Variants in PTDSS2 observed in about 807,000 individuals in gnomAD.
The protein encoded by PTDSS2 is PSS-2.
PTDSS2 carries 41 observed loss-of-function variants against 64.7 expected under a neutral mutation model. The ratio of observed to expected loss-of-function variants is 0.63; its 90% confidence interval spans 0.49 to 0.82. PTDSS2 has a LOEUF of 0.82. PTDSS2 is among the 40% of genes least tolerant of loss of function. The pLI is 0.00. For missense variants in PTDSS2, 485 were observed against 650.0 expected (o/e 0.75, Z 2.76); for synonymous variants, 297 against 277.8 (o/e 1.07, Z -0.69).
At chr11:453,278 C>T (rs76917642) in intron 1 of PTDSS2, among the ~76,000 whole-genome samples, 1,815 of 152,200 alleles carry the variant, frequency 0.012, 39 homozygotes, top group African/African-American at 0.042. Context: ...AAGCCCTGTG[C>T]GAAGATGTGG....
At chr11:450,942 C>A (rs530402099) in intron 1 of PTDSS2, among the ~76,000 whole-genome samples, 70 of 151,842 alleles carry the variant, frequency 4.6e-4, no homozygotes, top group African/African-American at 1.7e-3. Context: ...GCTCTGACCG[C>A]GCGGTTCTGC....
intron 1 of PTDSS2, among the ~76,000 whole-genome samples, chr11:455,709 C>A (rs992471784): frequency 1.3e-5 from 2 of 152,260 alleles, no homozygotes; most frequent in Non-Finnish European, 2.9e-5. Context: ...GCCTCCCAGG[C>A]CACGAGCCCT....
chr11:489,671 C>T lies in PTDSS2; in HGVS notation c.1053C>T (p.Leu351=), dbSNP rs748228320. 5.0e-6 allele frequency: 8 copies of T among 1,600,488 alleles called. 1 individual carries two copies. The South Asian group carries it at 6.7e-5, about 13-fold the overall frequency. The part of the protein sequence containing the change: ...PPEHYLVLLR[L]VFFVNVGGVA... ...AGCACTACCTGGTCCTCCTGCGGCT[C>T]GTCTTCTTCGTGAACGTGGGTGGCG... The change falls in exon 10 of 12, where the codon CTC becomes CTT. Residue 351 remains leucine (L), a synonymous_variant. Transcript: ENST00000308020.
intron 2 of PTDSS2, chr11:463,723 T>C (rs1292415942): frequency 1.3e-5 from 2 of 152,042 alleles, no homozygotes; most frequent in African/African-American, 4.8e-5. Context: ...ATTTTTTGTA[T>C]TTTTAGTAGA....
At position 453,584 on chromosome 11, in the gene PTDSS2, A is replaced by G. The variant is rs563730583; in HGVS notation, c.182+2947A>G. On this transcript the variant is annotated intron_variant, in intron 1 of 11. Coordinates refer to ENST00000308020, the MANE Select transcript of PTDSS2 (RefSeq NM_030783.3). ...AGGTTTCTGGAAGATGCCTTTCTCC[A>G]TCATCCTGGATCGGGGCTTTCCCAG... Among the ~76,000 whole-genome samples the G allele has an allele frequency of 9.4e-4, 143 of 152,296 alleles. 1 individual carries two copies. The highest frequency in any genetic ancestry group is 1.6e-3 in the Non-Finnish European group (108 of 68,016).
At chr11:489,209 C>G (rs992036183) in intron 8 of PTDSS2, 191 bp from the exon 9 acceptor site, 1 of 606,232 alleles carries the variant, frequency 1.6e-6, no homozygotes, top group Non-Finnish European at 2.9e-6. Flanking sequence ...GGAGAACAGC[C>G]GGGCAGCAGC....
intron 2 of PTDSS2, among the ~76,000 whole-genome samples, chr11:464,377 A>G (rs1847046245): frequency 6.6e-6 from 1 of 152,246 alleles, no homozygotes. Context: ...TAACAGACTC[A>G]GAGCCCCGTG....
chr11:466,532 C>T (rs564575542), intron 2 of PTDSS2, among the ~76,000 whole-genome samples: 15 of 151,802 alleles, frequency 9.9e-5, no homozygotes, highest in African/African-American at 1.9e-4. Flanking sequence ...TTCAGCCTCC[C>T]GAGTAGCTGG....
chr11:473,971 C>T lies in PTDSS2; in HGVS notation c.361C>T (p.His121Tyr). 1 of 1,613,498 alleles carries T rather than the reference C, an allele frequency of 6.2e-7. No individual in the cohort carries two copies. The change falls in exon 3 of 12, where the codon CAT becomes TAT. Residue 121 changes from histidine (H) to tyrosine (Y), a missense_variant. By Grantham distance (83) the His-to-Tyr change is moderately conservative. Around this residue, in one of 3 missense-constraint regions of PTDSS2, gnomAD observed 251 missense variants for 348.0 expected, o/e 0.72. Coordinates refer to ENST00000308020, the MANE Select transcript of PTDSS2 (RefSeq NM_030783.3). ...QAKDGPFSRP[H>Y]PAYWRFWLCV... The stretch of plus-strand genomic sequence containing the variant: ...TAAAGACGGGCCATTTTCCAGACCT[C>T]ATCCAGGTAACTTGCCATTTCCTTT...
intron 2 of PTDSS2, among the ~76,000 whole-genome samples, chr11:472,085 G>A (rs1283567014): frequency 6.6e-6 from 1 of 150,952 alleles, no homozygotes; most frequent in Non-Finnish European, 1.5e-5. Context: ...GGCCTGGGGT[G>A]ACACAGATGG....
rs544888318 is a variant in PTDSS2, at chr11:456,507, C to T, written c.183-3680C>T. On this transcript the variant is annotated intron_variant, in intron 1 of 11. Transcript: ENST00000308020. Reference sequence around the variant, plus strand: ...CACTCCTGACTCTTCTTATCCTAACCGGGGTCATCTTACTCTCCTCACCGA... The same window carrying T: ...CACTCCTGACTCTTCTTATCCTAACTGGGGTCATCTTACTCTCCTCACCGA... Among the ~76,000 whole-genome samples the T allele has an allele frequency of 3.9e-4, 59 of 152,068 alleles. No homozygotes were observed. In the East Asian group the frequency reaches 8.9e-3, roughly 23 times the overall value.
intron 1 of PTDSS2, 150 bp downstream of exon 1, chr11:450,787 C>T (rs1846282189): frequency 2.8e-6 from 2 of 712,914 alleles, no homozygotes; most frequent in Non-Finnish European, 3.9e-6. Context: ...AGCACCGCCC[C>T]CCGGGTCCCG....
chr11:477,819 CTT>C (rs898068732), intron 3 of PTDSS2, among the ~76,000 whole-genome samples: 5 of 152,254 alleles, frequency 3.3e-5, no homozygotes, highest in Admixed American at 1.3e-4. Context: ...CCCTCAAACT[CTT>C]GGGCCACTGG....
At chr11:486,657 A>G (rs1848405049) in intron 4 of PTDSS2, among the ~76,000 whole-genome samples, 2 of 151,866 alleles carry the variant, frequency 1.3e-5, no homozygotes, top group Admixed American at 1.3e-4. Context: ...CCTGGCTAGC[A>G]CGGTGAAACC....
Position 473,914 on chromosome 11 carries a change from T to C in PTDSS2, c.304T>C (p.Leu102=). ...TTGCAGAGGTATTGTGGCCAGTATT[T>C]TGGTTTTCTTATGTTTTGGAGTCAC... ...NTKRGIVASI[L]VFLCFGVTQA... is the part of the protein sequence containing the mutation. The change falls in exon 3 of 12, where the codon TTG becomes CTG. Residue 102 remains leucine, a synonymous_variant. Coordinates refer to ENST00000308020, the MANE Select transcript of PTDSS2 (RefSeq NM_030783.3). The C allele has an allele frequency of 1.9e-6, 3 of 1,613,770 alleles. No individual in the cohort carries two copies. Among genetic ancestry groups the C allele is most frequent in the Non-Finnish European group, 2.5e-6 (3 of 1,179,684 alleles).
chr11:474,080 G>C, intron 3 of PTDSS2, 103 bp downstream of exon 3: 1 of 980,738 alleles, frequency 1.0e-6, no homozygotes. Flanking sequence ...CCTCCCCTCC[G>C]CCTGGCCCCT....
Position 487,475 on chromosome 11 carries a change from G to A in PTDSS2, c.621+5G>A, listed in dbSNP as rs536193915. 2.7e-5 allele frequency: 43 copies of A among 1,613,178 alleles called. No individual in the cohort carries two copies. Among genetic ancestry groups the A allele is most frequent in the Middle Eastern group, 1.6e-4 (1 of 6,084 alleles). ...TTTCTTGGCTGGTACCTGAAGGTAC[G>A]GCACCTCCTCTTCCCGGCCTCCCCG... On this transcript the variant is annotated splice_donor_5th_base_variant and intron_variant, in intron 6 of 11. Transcript: ENST00000308020.
upstream of PTDSS2, among the ~76,000 whole-genome samples, chr11:448,595 C>T (rs537260205): frequency 5.6e-4 from 85 of 152,314 alleles, no homozygotes; most frequent in Non-Finnish European, 1.2e-3. Flanking sequence ...GGGGGCCAGG[C>T]CTGGGGAGGC....
At position 490,801 on chromosome 11, in the gene PTDSS2, C is replaced by CGT. The variant is rs767311770; in HGVS notation, c.*224_*225dup. The CGT allele has an allele frequency of 3.3e-4, 191 of 575,812 alleles. No individual in the cohort carries two copies. Among genetic ancestry groups the CGT allele is most frequent in the African/African-American group, 3.0e-3 (153 of 50,802 alleles). The allele number at this position is 575,812 out of a possible 1,614,324, so 35.7% of individuals were successfully genotyped here. A position where few individuals can be genotyped will look rare whatever the true frequency, so the allele number is the denominator to read the frequency against. ...GTACGTGTGTATGCGTGTGTGTACG[C>CGT]GTGTGTACGCGCGTGTGTACACATG... is the stretch of plus-strand genomic sequence containing the variant. On this transcript the variant is annotated 3_prime_UTR_variant, in exon 12 of 12. Coordinates refer to ENST00000308020, the MANE Select transcript of PTDSS2 (RefSeq NM_030783.3).
Sources: gnomAD v4.1 joint callset for allele counts (sites outside exome capture counted in the v4.1 genomes callset) on GRCh38, gnomAD v4.1.1 for gene constraint, gnomAD v4.1.1 regional missense constraint, MANE v1.5 for transcripts, NCBI Gene and HGNC (gene_info 2026-07-23, HGNC 2026-07-21) for gene names.